Variants in CD44 observed in about 807,000 individuals in gnomAD.
CD44 encodes the protein CD44 antigen.
In CD44, 49 loss-of-function variants were observed where a neutral mutation model predicts 88.8. The ratio of observed to expected loss-of-function variants is 0.55; its 90% CI spans 0.44 to 0.70. The LOEUF is 0.70. CD44 is among the 30% of genes least tolerant of loss of function. CD44 has a pLI of 0.00. For synonymous variants in CD44, 325 were observed against 312.3 expected, an observed-to-expected ratio of 1.04 and a Z score of -0.43; for missense variants, 883 against 913.8, an observed-to-expected ratio of 0.97 and a Z score of 0.43.
At chr11:35,208,301 T>A in intron 12 of CD44, 95 bp downstream of exon 12, 1 of 833,764 alleles carries the variant, frequency 1.2e-6, no homozygotes, top group South Asian at 1.4e-5. Context: ...GGTGGTGGAA[T>A]GGTGCTATGT....
rs1857402670 is a variant in CD44 at position 35,139,226 on chromosome 11, G to A, written c.-78G>A. ...AGGTTCGGTCCGCCATCCTCGTCCC[G>A]TCCTCCGCCGGCCCCTGCCCCGCGC... On this transcript the variant is annotated 5_prime_UTR_variant, in exon 1 of 18. Transcript: ENST00000428726. 2 of 1,174,732 alleles carry A rather than the reference G, an allele frequency of 1.7e-6. No individual in the cohort carries two copies. Among genetic ancestry groups the A allele is most frequent in the African/African-American group, 3.1e-5 (2 of 65,502 alleles). 72.8% of individuals were successfully genotyped at this position (1,174,732 alleles called of 1,614,324 possible). A position where few individuals can be genotyped will look rare whatever the true frequency, so the allele number is the denominator to read the frequency against.
At chr11:35,211,475 T>C in intron 14 of CD44, 26 bp downstream of exon 14, 2 of 1,556,600 alleles carry the variant, frequency 1.3e-6, no homozygotes. Context: ...TTATCTAGTT[T>C]GCTTTCTCTA....
chr11:35,159,614 C>T (rs181345921), intron 1 of CD44, among the ~76,000 whole-genome samples: 5 of 152,312 alleles, frequency 3.3e-5, no homozygotes, highest in East Asian at 1.9e-4. Context: ...AGACTCTCTA[C>T]TGGTGCTTTT....
At chr11:35,142,629 G>T (rs959546425) in intron 1 of CD44, among the ~76,000 whole-genome samples, 30 of 152,216 alleles carry the variant, frequency 2.0e-4, no homozygotes, top group Non-Finnish European at 4.4e-5. Flanking sequence ...CTTCATCTCT[G>T]TTGGGGCTAG....
intron 1 of CD44, among the ~76,000 whole-genome samples, chr11:35,155,195 A>G (rs1237273694): frequency 6.6e-6 from 1 of 152,208 alleles, no homozygotes; most frequent in Non-Finnish European, 1.5e-5. Context: ...CTTGGACCAC[A>G]GTGCTTGACT....
At chr11:35,195,311 A>G (rs1374620006) in intron 5 of CD44, among the ~76,000 whole-genome samples, 1 of 152,172 alleles carries the variant, frequency 6.6e-6, no homozygotes, top group Non-Finnish European at 1.5e-5. Context: ...TTTGCCTTAT[A>G]TGACATTGGA....
In CD44 at chr11:35,229,551, A is replaced by T; in HGVS notation, c.*218A>T. ...TTTCTGAAATTAGGGCCCAATTAAT[A>T]ATCAGCAAGAATTTGATCGTTCCAG... On this transcript the variant is annotated 3_prime_UTR_variant, in exon 18 of 18. Transcript: ENST00000428726. 1.9e-6 allele frequency: 1 copy of T among 536,756 alleles called. No homozygotes were observed. The highest frequency in any genetic ancestry group is 3.3e-6 in the Non-Finnish European group (1 of 301,292). The allele number at this position is 536,756 out of a possible 1,614,324, so 33.2% of individuals were successfully genotyped here.
chr11:35,149,147 G>C (rs1489469760), intron 1 of CD44, among the ~76,000 whole-genome samples: 1 of 152,130 alleles, frequency 6.6e-6, no homozygotes, highest in Non-Finnish European at 1.5e-5. Context: ...TGTATAAAAA[G>C]ACCCCAAACC....
At chr11:35,142,101 G>A (rs1361487769) in intron 1 of CD44, among the ~76,000 whole-genome samples, 1 of 152,160 alleles carries the variant, frequency 6.6e-6, no homozygotes, top group Non-Finnish European at 1.5e-5. Context: ...GCAGGAGGAA[G>A]AAAGTGGCCC....
At chr11:35,161,851 T>G (rs1313211663) in intron 1 of CD44, among the ~76,000 whole-genome samples, 1 of 152,126 alleles carries the variant, frequency 6.6e-6, no homozygotes, top group Non-Finnish European at 1.5e-5. Context: ...AGGAGTGTAT[T>G]TCCTTTTGCC....
At chr11:35,139,725 C>T (rs1324205951) in intron 1 of CD44, 6 of 524,530 alleles carry the variant, frequency 1.1e-5, no homozygotes, top group Middle Eastern at 3.7e-4. Context: ...TGCCCAAGGG[C>T]TCGCCAAGCC....
At chr11:35,164,020 G>T (rs992697712) in intron 1 of CD44, among the ~76,000 whole-genome samples, 2 of 152,106 alleles carry the variant, frequency 1.3e-5, no homozygotes, top group Non-Finnish European at 2.9e-5. Flanking sequence ...TTCATGTGAA[G>T]TACCGAGCAC....
intron 1 of CD44, among the ~76,000 whole-genome samples, chr11:35,159,801 T>C (rs1460020582): frequency 6.6e-6 from 1 of 152,172 alleles, no homozygotes; most frequent in Non-Finnish European, 1.5e-5. Context: ...GGGCTGGAAT[T>C]CAATTCAGAG....
chr11:35,176,259 G>A (rs888783048), intron 1 of CD44, among the ~76,000 whole-genome samples: 1 of 152,164 alleles, frequency 6.6e-6, no homozygotes, highest in African/African-American at 2.4e-5. Flanking sequence ...AGCCAGGATG[G>A]TCTCGATCTC....
At position 35,201,702 on chromosome 11, in the gene CD44, A is replaced by G. The variant is rs917327143; in HGVS notation, c.1068A>G (p.Glu356=). The G allele has an allele frequency of 4.3e-6, 7 of 1,613,692 alleles. No individual in the cohort carries two copies. The Admixed American group carries it at 1.0e-4, about 23-fold the overall frequency. ...DVDRNGTTAY[E]GNWNPEAHPP... Reference sequence around the variant, plus strand: ...ACAGAAATGGCACCACTGCTTATGAAGGAAACTGGAACCCAGAAGCACACC... The same window carrying G: ...ACAGAAATGGCACCACTGCTTATGAGGGAAACTGGAACCCAGAAGCACACC... Residue 356 remains glutamate, a synonymous_variant, in exon 9 of 18, where the codon GAA becomes GAG. Transcript: ENST00000428726.
chr11:35,176,098 A>G (rs972253389), intron 1 of CD44, among the ~76,000 whole-genome samples: 1 of 143,786 alleles, frequency 7.0e-6, no homozygotes, highest in Non-Finnish European at 1.5e-5. Context: ...GCTGGAGTGC[A>G]GTGGCGCGAT....
At chr11:35,158,804 C>T (rs954090842) in intron 1 of CD44, among the ~76,000 whole-genome samples, 2 of 152,256 alleles carry the variant, frequency 1.3e-5, no homozygotes, top group Non-Finnish European at 1.5e-5. Context: ...GCAAATGAAG[C>T]AGCATGGAAT....
At chr11:35,223,406 AC>A in intron 17 of CD44, 1 of 433,018 alleles carries the variant, frequency 2.3e-6, no homozygotes, top group Non-Finnish European at 3.1e-6. Flanking sequence ...TGCACATGTC[AC>A]CATAGAAACG....
intron 1 of CD44, among the ~76,000 whole-genome samples, chr11:35,174,618 C>T (rs986752315): frequency 6.6e-6 from 1 of 152,168 alleles, no homozygotes; most frequent in African/African-American, 2.4e-5. Flanking sequence ...TTCTAGCTCT[C>T]TATTGGAATT....
Sources: allele counts gnomAD v4.1 joint callset (sites outside exome capture counted in the v4.1 genomes callset), GRCh38; gene constraint gnomAD v4.1.1; transcripts MANE v1.5; gene names NCBI Gene and HGNC (gene_info 2026-07-23, HGNC 2026-07-21).